Variants in TENM2 observed in about 807,000 individuals in gnomAD.
TENM2 encodes teneurin-2.
A neutral mutation model predicts 245.2 loss-of-function variants in TENM2; 52 were observed. That is an observed-to-expected ratio of 0.21 (90% CI 0.17 to 0.27). TENM2 has a LOEUF of 0.27. Ranked by LOEUF, TENM2 falls within the 10% of genes least tolerant of loss-of-function variation. The pLI is 1.00. For synonymous variants in TENM2, 1,363 were observed against 1,438.9 expected, an observed-to-expected ratio of 0.95 and a Z score of 1.19; for missense variants, 3,046 against 3,666.8, an observed-to-expected ratio of 0.83 and a Z score of 4.37.
At chr5:168,231,081 G>GTGA (rs992891888) in intron 25 of TENM2, 1 of 152,260 alleles carries the variant, frequency 6.6e-6, no homozygotes, top group African/African-American at 2.4e-5. Context: ...GAGAGTTTGG[G>GTGA]TGATTCACGA....
the TENM2 span, among the ~76,000 whole-genome samples, chr5:167,153,067 C>T: frequency 6.6e-6 from 1 of 150,936 alleles, no homozygotes; most frequent in Non-Finnish European, 1.5e-5. Flanking sequence ...TTTATTTTTG[C>T]CTGAACTGGC....
At chr5:167,084,355 A>ATATATATATATATATATATATATG in the TENM2 span, among the ~76,000 whole-genome samples, 19 of 109,322 alleles carry the variant, frequency 1.7e-4, no homozygotes, top group African/African-American at 5.8e-4. Flanking sequence ...ATATATATAT[A>ATATATATATATATATATATATATG]TATATATATA....
At chr5:166,992,991 C>G in the TENM2 span, among the ~76,000 whole-genome samples, 1 of 152,090 alleles carries the variant, frequency 6.6e-6, no homozygotes, top group Non-Finnish European at 1.5e-5. Flanking sequence ...GTGTAGTCCA[C>G]AGTCTCCCCA....
At chr5:167,453,036 G>A (rs1765708482) in intron 2 of TENM2, among the ~76,000 whole-genome samples, 1 of 144,730 alleles carries the variant, frequency 6.9e-6, no homozygotes, top group Non-Finnish European at 1.5e-5. Context: ...GTAGTTGAAT[G>A]AGAAGGTGAA....
chr5:167,639,825 C>T (rs559962702), intron 2 of TENM2, among the ~76,000 whole-genome samples: 2 of 152,308 alleles, frequency 1.3e-5, no homozygotes, highest in East Asian at 3.9e-4. Flanking sequence ...TTTCCTAAAA[C>T]AGTGCCTGGT....
At chr5:167,334,604 T>A in intron 1 of TENM2, among the ~76,000 whole-genome samples, 1 of 152,230 alleles carries the variant, frequency 6.6e-6, no homozygotes, top group South Asian at 2.1e-4. Context: ...TCCTCTCTTG[T>A]TTTTTCCTTC....
At chr5:167,410,203 A>G (rs1762836161) in intron 2 of TENM2, among the ~76,000 whole-genome samples, 1 of 151,994 alleles carries the variant, frequency 6.6e-6, no homozygotes, top group Non-Finnish European at 1.5e-5. Flanking sequence ...ATGTTAAAAT[A>G]TGTTTGAATT....
chr5:167,354,002 CATAGA>C (rs1343162287), intron 1 of TENM2, among the ~76,000 whole-genome samples: 1 of 152,126 alleles, frequency 6.6e-6, no homozygotes, highest in African/African-American at 2.4e-5. Flanking sequence ...AAGAAAGAAA[CATAGA>C]ATAAAGTATA....
intron 2 of TENM2, among the ~76,000 whole-genome samples, chr5:167,447,319 T>C (rs994029329): frequency 2.0e-5 from 3 of 152,240 alleles, no homozygotes; most frequent in Non-Finnish European, 2.9e-5. Flanking sequence ...TAATAAATAG[T>C]AGCTGTTTTA....
chr5:167,196,588 T>C, the TENM2 span, among the ~76,000 whole-genome samples: 9 of 146,214 alleles, frequency 6.2e-5, no homozygotes, highest in African/African-American at 2.5e-4. Context: ...ATATATGCTT[T>C]CTTACACATC....
the TENM2 span, among the ~76,000 whole-genome samples, chr5:167,152,751 A>C: frequency 6.6e-6 from 1 of 152,320 alleles, no homozygotes; most frequent in South Asian, 2.1e-4. Flanking sequence ...TAAAGTGTGG[A>C]TTCGCTGGAC....
At chr5:167,549,808 A>G (rs1251014337) in intron 2 of TENM2, among the ~76,000 whole-genome samples, 1 of 152,040 alleles carries the variant, frequency 6.6e-6, no homozygotes, top group Non-Finnish European at 1.5e-5. Context: ...ATCAACTAAA[A>G]CGTTGCTGTG....
intron 2 of TENM2, among the ~76,000 whole-genome samples, chr5:167,489,118 G>T (rs1768271168): frequency 6.6e-6 from 1 of 152,152 alleles, no homozygotes; most frequent in East Asian, 1.9e-4. Context: ...GTCCTACTTT[G>T]ATTCTTGCCC....
At position 167,997,644 on chromosome 5, in the gene TENM2, T is replaced by G. The variant is rs546362295; in HGVS notation, c.1186+4462T>G. On this transcript the variant is annotated intron_variant, in intron 5 of 28. Coordinates refer to ENST00000518659, the Ensembl canonical transcript of TENM2. ...GGTATGGCTGTGCACCCATAAAATT[T>G]TAATTATGCCCCCTGGTTTTTTAGT... Among the ~76,000 whole-genome samples the G allele has an allele frequency of 2.0e-5, 3 of 152,344 alleles. No individual in the cohort carries two copies. The South Asian group carries it at 6.2e-4, about 32-fold the overall frequency.
intron 5 of TENM2, among the ~76,000 whole-genome samples, chr5:168,010,978 C>T (rs1401383470): frequency 1.3e-5 from 2 of 152,216 alleles, no homozygotes; most frequent in Non-Finnish European, 2.9e-5. Context: ...TGGATGGGAA[C>T]CCGCTAGGTC....
chr5:167,182,544 A>T, the TENM2 span, among the ~76,000 whole-genome samples: 1 of 152,142 alleles, frequency 6.6e-6, no homozygotes, highest in Non-Finnish European at 1.5e-5. Context: ...TAAACATTTT[A>T]TGTTCTTTAT....
chr5:167,067,045 T>C, the TENM2 span, among the ~76,000 whole-genome samples: 1 of 152,200 alleles, frequency 6.6e-6, no homozygotes, highest in Admixed American at 6.5e-5. Context: ...CATTCCTTTT[T>C]ATATGTATTC....
chr5:168,257,564 G>A (rs914497842), intron 27 of TENM2, among the ~76,000 whole-genome samples: 22 of 152,168 alleles, frequency 1.4e-4, no homozygotes, highest in African/African-American at 5.1e-4. Flanking sequence ...AAAGAAGTGG[G>A]GAGACCCTGG....
intron 1 of TENM2, among the ~76,000 whole-genome samples, chr5:167,357,299 T>G (rs1759401945): frequency 2.5e-5 from 1 of 40,002 alleles, no homozygotes; most frequent in Middle Eastern, 0.011. Context: ...AGCCATCCTT[T>G]CTTTTTTTTT....
Sources: allele counts gnomAD v4.1 joint callset (sites outside exome capture counted in the v4.1 genomes callset), GRCh38; gene constraint gnomAD v4.1.1; transcripts MANE v1.5; gene names NCBI Gene and HGNC (gene_info 2026-07-23, HGNC 2026-07-21).